The following MGRN1 variants were observed in gnomAD, a reference collection of about 807,000 sequenced individuals.
The protein encoded by MGRN1 is E3 ubiquitin-protein ligase MGRN1.
Under a neutral mutation model 69.2 loss-of-function variants are expected in MGRN1, and 29 were observed. The observed-to-expected ratio is 0.42, with a 90% CI of 0.31 to 0.57. MGRN1 has a LOEUF of 0.57. MGRN1 is among the 20% of genes least tolerant of loss of function. The pLI is 0.15. For missense variants in MGRN1, 998 were observed against 796.2 expected (o/e 1.25, Z -3.05); for synonymous variants, 470 against 344.2 (o/e 1.37, Z -4.04).
chr16:4,681,646 C>A lies in MGRN1; in HGVS notation c.1228C>A (p.Leu410Ile). ...AVSPAIPSAPLYEEITYSGIS... is the reference protein window; with the variant it reads ...AVSPAIPSAPIYEEITYSGIS... Reference sequence around the variant, plus strand: ...CTCCCCGGCCATCCCCTCGGCCCCTCTTTATGAAGAAATCACCTATTCAGG... The same window carrying A: ...CTCCCCGGCCATCCCCTCGGCCCCTATTTATGAAGAAATCACCTATTCAGG... The change falls in exon 13 of 17, where the codon CTT becomes ATT. Residue 410 changes from leucine to isoleucine, a missense_variant. Coordinates refer to ENST00000262370, the MANE Select transcript of MGRN1 (RefSeq NM_015246.4). 6.2e-7 allele frequency: 1 copy of A among 1,613,550 alleles called. No homozygotes were observed. The highest frequency in any genetic ancestry group is 1.3e-5 in the African/African-American group (1 of 75,070).
In MGRN1 at chr16:4,688,838, C is replaced by G. The variant is rs2079396306; in HGVS notation, c.1661C>G (p.Thr554Ser). The G allele has an allele frequency of 6.4e-7, 1 of 1,554,378 alleles. No homozygotes were observed. The stretch of plus-strand genomic sequence containing the variant: ...GAGACGGCCCACGGCCTCGCCACCA[C>G]CAGCCCCACCTGGCCTCCACTTGGT... ...SMETAHGLAT[T>S]SPTWPPLGGP... Residue 554 changes from threonine to serine, a missense_variant, in exon 17 of 17, where the codon ACC becomes AGC. Transcript: ENST00000262370.
At chr16:4,670,192 A>G (rs1015115894) in intron 8 of MGRN1, among the ~76,000 whole-genome samples, 3 of 152,076 alleles carry the variant, frequency 2.0e-5, no homozygotes, top group Non-Finnish European at 2.9e-5. Flanking sequence ...GCTCCCAAGT[A>G]GCTGGGACTG....
chr16:4,633,499 C>G (rs1301142961), intron 1 of MGRN1: 1 of 151,442 alleles, frequency 6.6e-6, no homozygotes, highest in East Asian at 2.0e-4. Flanking sequence ...TGAGACCAGA[C>G]TGACCAAGAT....
At chr16:4,660,684 C>T (rs1274326284) in intron 5 of MGRN1, among the ~76,000 whole-genome samples, 4 of 152,216 alleles carry the variant, frequency 2.6e-5, no homozygotes, top group East Asian at 1.9e-4. Flanking sequence ...TGCCGGTGCG[C>T]GAACTCCCCA....
At chr16:4,629,251 G>A (rs551371513) in intron 1 of MGRN1, among the ~76,000 whole-genome samples, 1 of 151,868 alleles carries the variant, frequency 6.6e-6, no homozygotes, top group East Asian at 1.9e-4. Context: ...TTATCTTACG[G>A]AGTTGTAACA....
chr16:4,687,979 C>A (rs550167987), intron 16 of MGRN1: 8 of 985,560 alleles, frequency 8.1e-6, no homozygotes, highest in Non-Finnish European at 6.0e-6. Flanking sequence ...TGGAAGGTGC[C>A]GTGCGAATGT....
chr16:4,625,210 G>T (rs935298710), intron 1 of MGRN1, among the ~76,000 whole-genome samples, 162 bp downstream of exon 1: 2 of 152,138 alleles, frequency 1.3e-5, no homozygotes, highest in African/African-American at 2.4e-5. Context: ...ATCCCTAGGC[G>T]TGGCTGGGGG....
At chr16:4,636,446 G>A (rs777136409) in intron 1 of MGRN1, among the ~76,000 whole-genome samples, 27 of 152,148 alleles carry the variant, frequency 1.8e-4, no homozygotes, top group Non-Finnish European at 3.4e-4. Flanking sequence ...GCCCGTGGAC[G>A]GGCTCCGGGG....
chr16:4,687,806 C>T, intron 16 of MGRN1: 3 of 985,450 alleles, frequency 3.0e-6, no homozygotes, highest in Non-Finnish European at 3.6e-6. Context: ...TGGACTTGAG[C>T]CGGGTCAGGG....
chr16:4,647,737 A>G (rs973370796), intron 1 of MGRN1, among the ~76,000 whole-genome samples: 1 of 152,150 alleles, frequency 6.6e-6, no homozygotes, highest in Non-Finnish European at 1.5e-5. Context: ...GTGGTGGGCC[A>G]TAAAATCAGG....
At chr16:4,628,730 A>G (rs887359126) in intron 1 of MGRN1, among the ~76,000 whole-genome samples, 4 of 152,170 alleles carry the variant, frequency 2.6e-5, no homozygotes, top group African/African-American at 9.7e-5. Context: ...TTTTTGGTAC[A>G]GATGAGGTTT....
chr16:4,650,471 C>G lies in MGRN1; in HGVS notation c.195C>G (p.Ser65Arg). ...ACATGGATCTGAACTTCCTGGGCAG[C>G]CGCCCGGTCCAGGTGGGTCTGGACA... ...GENMDLNFLG[S>R]RPVQFPYVTP... The change falls in exon 2 of 17, where the codon AGC (serine) becomes AGG (arginine). Residue 65 changes from serine to arginine, a missense_variant. Coordinates refer to ENST00000262370, the MANE Select transcript of MGRN1 (RefSeq NM_015246.4). 6.2e-7 allele frequency: 1 copy of G among 1,613,442 alleles called. No individual in the cohort carries two copies. Among genetic ancestry groups the G allele is most frequent in the South Asian group, 1.1e-5 (1 of 90,910 alleles).
At chr16:4,665,772 C>T (rs568411399) in intron 7 of MGRN1, among the ~76,000 whole-genome samples, 4 of 151,096 alleles carry the variant, frequency 2.6e-5, no homozygotes, top group Admixed American at 6.6e-5. Context: ...CAGGTTCAAG[C>T]GATTCTCCTG....
chr16:4,687,511 T>A (rs2079355429), intron 16 of MGRN1: 7 of 917,820 alleles, frequency 7.6e-6, no homozygotes, highest in Non-Finnish European at 9.0e-6. Context: ...GCTGTCTCAA[T>A]AAAAAAAAAT....
intron 10 of MGRN1, 30 bp downstream of exon 10, chr16:4,673,687 A>T (rs1326600235): frequency 6.2e-7 from 1 of 1,608,482 alleles, no homozygotes; most frequent in South Asian, 1.1e-5. Context: ...GTTCTGTGGA[A>T]GGTTCTGGAA....
intron 7 of MGRN1, 73 bp from the exon 8 acceptor site, chr16:4,668,192 C>A: frequency 1.4e-6 from 2 of 1,395,102 alleles, no homozygotes; most frequent in Non-Finnish European, 2.0e-6. Context: ...GGTGGCCAAC[C>A]CAGGCGGCCA....
chr16:4,629,551 C>T (rs1030291989), intron 1 of MGRN1, among the ~76,000 whole-genome samples: 7 of 151,816 alleles, frequency 4.6e-5, no homozygotes, highest in Admixed American at 1.3e-4. Flanking sequence ...CCATCCTGGC[C>T]AACATGGTGA....
chr16:4,650,816 G>C (rs957059356), intron 2 of MGRN1: 4 of 201,278 alleles, frequency 2.0e-5, no homozygotes, highest in Non-Finnish European at 4.0e-5. Context: ...GGCAAAAATA[G>C]TATTTACAGA....
At chr16:4,682,184 C>A (rs1350314563) in intron 13 of MGRN1, among the ~76,000 whole-genome samples, 1 of 152,226 alleles carries the variant, frequency 6.6e-6, no homozygotes, top group Non-Finnish European at 1.5e-5. Context: ...AAACTCAGGA[C>A]CTGACAGTGA....
Sources: gnomAD v4.1 joint callset for allele counts (sites outside exome capture counted in the v4.1 genomes callset) on GRCh38, gnomAD v4.1.1 for gene constraint, MANE v1.5 for transcripts, NCBI Gene and HGNC (gene_info 2026-07-23, HGNC 2026-07-21) for gene names.